BCAS3: variants seen among roughly 807,000 people sequenced by gnomAD.
BCAS3 encodes BCAS3 microtubule associated cell migration factor, also known as BCAS4/BCAS3 fusion.
BCAS3 carries 53 observed loss-of-function variants against 116.1 expected under a neutral mutation model. The observed-to-expected ratio is 0.46, with a 90% CI of 0.37 to 0.57. The LOEUF (loss-of-function observed/expected upper bound fraction) is 0.57, where lower values mean the gene tolerates loss of function less well. Among genes scored for constraint, BCAS3 ranks in the 20% least tolerant of loss-of-function variants. The pLI, the probability that BCAS3 is intolerant of heterozygous loss-of-function variation, is 0.00. For synonymous variants in BCAS3, 391 were observed against 408.2 expected (o/e 0.96, Z 0.51); for missense variants, 917 against 1,165.4 (o/e 0.79, Z 3.10).
intron 2 of BCAS3, 43 bp downstream of exon 2, chr17:60,679,583 A>G: frequency 1.4e-6 from 2 of 1,449,528 alleles, no homozygotes; most frequent in Non-Finnish European, 1.9e-6. Flanking sequence ...AGAAAAGATT[A>G]CTCAGAATAC....
intron 8 of BCAS3, 53 bp downstream of exon 8, chr17:60,868,736 G>T: frequency 9.0e-7 from 1 of 1,112,616 alleles, no homozygotes; most frequent in Non-Finnish European, 1.3e-6. Flanking sequence ...TGCTCTCCTG[G>T]GCATGGAGAA....
intron 6 of BCAS3, among the ~76,000 whole-genome samples, chr17:60,770,830 A>ATTT (rs1181438089): frequency 9.8e-5 from 9 of 91,560 alleles, no homozygotes; most frequent in African/African-American, 3.4e-4. Context: ...TAAAACTGAA[A>ATTT]TTTGTTTTTT....
chr17:61,369,926 G>A (rs982760605), intron 23 of BCAS3, among the ~76,000 whole-genome samples: 4 of 152,192 alleles, frequency 2.6e-5, no homozygotes, highest in African/African-American at 4.8e-5. Flanking sequence ...ACCGGAGCCC[G>A]GTGCCACTGG....
At chr17:60,869,254 A>G (rs2054893753) in intron 8 of BCAS3, among the ~76,000 whole-genome samples, 1 of 152,336 alleles carries the variant, frequency 6.6e-6, no homozygotes, top group East Asian at 1.9e-4. Flanking sequence ...TCTACTGCTA[A>G]TGACAAATTA....
intron 11 of BCAS3, 23 bp from the exon 12 acceptor site, chr17:60,910,509 A>G: frequency 1.3e-6 from 2 of 1,554,588 alleles, no homozygotes; most frequent in South Asian, 2.5e-5. Flanking sequence ...GTGAAGTCAT[A>G]CATTTTACCT....
intron 22 of BCAS3, among the ~76,000 whole-genome samples, chr17:61,206,107 G>A (rs2081108327): frequency 6.6e-6 from 1 of 152,180 alleles, no homozygotes; most frequent in Admixed American, 6.5e-5. Flanking sequence ...GCCAGTGAAA[G>A]TTTGTATAGG....
At position 61,211,914 on chromosome 17, in the gene BCAS3, C is replaced by A. The variant is rs372791056; in HGVS notation, c.2425+127350C>A. Among the ~76,000 whole-genome samples, 1 of 152,214 alleles carries A rather than the reference C, an allele frequency of 6.6e-6. No individual in the cohort carries two copies. The highest frequency in any genetic ancestry group is 1.5e-5 in the Non-Finnish European group (1 of 68,036). On this transcript the variant is annotated intron_variant, in intron 22 of 23. Coordinates refer to ENST00000407086, the MANE Select transcript of BCAS3 (RefSeq NM_017679.5). This position sits in a 1 kb window ranked among gnomAD's most constrained non-coding sequence, Gnocchi z 4.4. Reference sequence around the variant, plus strand: ...AGATCTGACTATAATCCATTTCATTCACTGTTGCAGTTTGCTGTGTGGGTG... The same window carrying A: ...AGATCTGACTATAATCCATTTCATTAACTGTTGCAGTTTGCTGTGTGGGTG...
chr17:60,838,990 C>T (rs575806768), intron 7 of BCAS3, among the ~76,000 whole-genome samples: 47 of 152,196 alleles, frequency 3.1e-4, no homozygotes, highest in Middle Eastern at 3.4e-3. Flanking sequence ...CTGTCTTATG[C>T]ATGGTTTTTA....
intron 6 of BCAS3, among the ~76,000 whole-genome samples, chr17:60,774,449 T>C (rs1023313851): frequency 1.3e-5 from 2 of 152,234 alleles, no homozygotes; most frequent in Non-Finnish European, 2.9e-5. Context: ...TTTTTCTCCT[T>C]ATTATGGGTT....
At chr17:61,086,799 A>G in intron 22 of BCAS3, 2 of 985,438 alleles carry the variant, frequency 2.0e-6, no homozygotes, top group Non-Finnish European at 2.4e-6. Context: ...AAGAAGCCTC[A>G]TAGATAAGGA....
At chr17:61,033,350 G>A (rs2066785350) in intron 16 of BCAS3, among the ~76,000 whole-genome samples, 1 of 152,130 alleles carries the variant, frequency 6.6e-6, no homozygotes, top group Non-Finnish European at 1.5e-5. Flanking sequence ...AAGTCCTCAG[G>A]TGGTACTATG....
chr17:61,033,126 G>A (rs2066765761), intron 16 of BCAS3, among the ~76,000 whole-genome samples: 1 of 152,186 alleles, frequency 6.6e-6, no homozygotes, highest in Admixed American at 6.5e-5. Context: ...GGGCCATATA[G>A]AAAAGTTAGT....
intron 22 of BCAS3, among the ~76,000 whole-genome samples, chr17:61,246,465 G>C (rs2047954693): frequency 9.1e-6 from 1 of 109,910 alleles, no homozygotes; most frequent in South Asian, 3.2e-4. Flanking sequence ...GAGCAAGACT[G>C]TCTCAGAAAA....
chr17:60,852,405 A>G (rs9903457), intron 7 of BCAS3, among the ~76,000 whole-genome samples: 58 of 152,330 alleles, frequency 3.8e-4, no homozygotes, highest in African/African-American at 1.4e-3. Flanking sequence ...TATACATGCT[A>G]TTCAGTTGTG....
At chr17:60,983,796 C>G (rs965656180) in intron 14 of BCAS3, among the ~76,000 whole-genome samples, 7 of 152,224 alleles carry the variant, frequency 4.6e-5, no homozygotes, top group Middle Eastern at 3.4e-3. Context: ...TCTAAGGATG[C>G]CTTTCTTTAT....
intron 15 of BCAS3, among the ~76,000 whole-genome samples, chr17:61,009,317 A>G (rs2064947647): frequency 6.6e-6 from 1 of 152,086 alleles, no homozygotes; most frequent in Non-Finnish European, 1.5e-5. Context: ...ATGACAACAG[A>G]AGGACAGTGC....
At position 60,882,223 on chromosome 17, in the gene BCAS3, G is replaced by C. The variant is rs1400845081; in HGVS notation, c.662-7472G>C. Among the ~76,000 whole-genome samples the C allele has an allele frequency of 3.3e-5, 5 of 152,156 alleles. No individual in the cohort carries two copies. In the South Asian group the frequency reaches 1.0e-3, roughly 32 times the overall value. On this transcript the variant is annotated intron_variant, in intron 9 of 23. Transcript: ENST00000407086. ...TGAGCATTTTTCCATGTGTTTTTTG[G>C]CTGCATAAATGTCTTCTTTTGAGAA...
Position 61,156,450 on chromosome 17 carries a change from G to A in BCAS3, c.2425+71886G>A, listed in dbSNP as rs1465752687. 2.0e-5 allele frequency among the ~76,000 whole-genome samples: 3 copies of A among 152,220 alleles called. No homozygotes were observed. The highest frequency in any genetic ancestry group is 6.5e-5 in the Admixed American group (1 of 15,290). ...AAATGAGATAGAGAAATGGAAATAC[G>A]TGCTTTGTGGAGGATCCTGTTTTCC... On this transcript the variant is annotated intron_variant, in intron 22 of 23. Coordinates refer to ENST00000407086, the MANE Select transcript of BCAS3 (RefSeq NM_017679.5). This position sits in a 1 kb window ranked among gnomAD's most constrained non-coding sequence, Gnocchi z 4.7.
intron 5 of BCAS3, among the ~76,000 whole-genome samples, chr17:60,721,954 A>G (rs2039285666): frequency 6.6e-6 from 1 of 152,148 alleles, no homozygotes; most frequent in South Asian, 2.1e-4. Context: ...AAATATGGTC[A>G]TAGATTTAAA....
Sources: allele counts gnomAD v4.1 joint callset (sites outside exome capture counted in the v4.1 genomes callset), GRCh38; gene constraint gnomAD v4.1.1; non-coding constraint Gnocchi (gnomAD v3.1); transcripts MANE v1.5; gene names NCBI Gene and HGNC (gene_info 2026-07-23, HGNC 2026-07-21).